The following MCM8 variants were observed in gnomAD, a reference collection of about 807,000 sequenced individuals.
MCM8 encodes DNA helicase MCM8.
A neutral mutation model predicts 98.9 loss-of-function variants in MCM8; 85 were observed. The observed-to-expected ratio is 0.86, with a 90% CI of 0.72 to 1.03. The LOEUF (loss-of-function observed/expected upper bound fraction) is 1.03. Among genes scored for constraint, MCM8 ranks in the 50% least tolerant of loss-of-function variants. The pLI, the probability that MCM8 is intolerant of heterozygous loss-of-function variation, is 0.00. For missense variants in MCM8, 951 were observed against 997.8 expected, an observed-to-expected ratio of 0.95 and a Z score of 0.63; for synonymous variants, 352 against 338.6, an observed-to-expected ratio of 1.04 and a Z score of -0.44.
intron 13 of MCM8, among the ~76,000 whole-genome samples, chr20:5,981,513 C>T (rs1001322467): frequency 3.9e-5 from 6 of 152,120 alleles, no homozygotes; most frequent in African/African-American, 1.4e-4. Flanking sequence ...TTGCTTCCCC[C>T]TCCTAAATCA....
At position 5,960,785 on chromosome 20, in the gene MCM8, A is replaced by G. The variant is rs189904905; in HGVS notation, c.789+2059A>G. Among the ~76,000 whole-genome samples, 19 of 152,250 alleles carry G rather than the reference A, an allele frequency of 1.2e-4. No homozygotes were observed. In the East Asian group the frequency reaches 3.1e-3, roughly 25 times the overall value. ...ACCCCATCTCTACTAAAAATTCTAA[A>G]TTAGCCAGACGTGGTGGCACATGCC... On this transcript the variant is annotated intron_variant, in intron 7 of 18. Coordinates refer to ENST00000610722, the MANE Select transcript of MCM8 (RefSeq NM_032485.6).
Position 5,954,621 on chromosome 20 carries a change from C to T in MCM8, c.267C>T (p.Ser89=). Residue 89 remains serine (S), a synonymous_variant, in exon 4 of 19, where the codon AGC becomes AGT. Transcript: ENST00000610722. ...TTGTTGGATTAGTTTACAGCGATAG[C>T]TCTCCTTTGATTGAGAAGATTCAAG... is the stretch of plus-strand genomic sequence containing the variant. The part of the protein sequence containing the change: ...KLYFSEVYSD[S]SPLIEKIQAF... 1 of 1,605,878 alleles carries T rather than the reference C, an allele frequency of 6.2e-7. No homozygotes were observed. The highest frequency in any genetic ancestry group is 1.3e-5 in the African/African-American group (1 of 74,826).
At chr20:5,963,047 C>A (rs454422) in intron 7 of MCM8, among the ~76,000 whole-genome samples, 56,442 of 151,964 alleles carry the variant, frequency 0.37, 14,865 homozygotes, top group African/African-American at 0.75. Flanking sequence ...TAGCAGGATA[C>A]GAACAGTAAG....
chr20:5,974,434 C>G (rs1280915691), intron 12 of MCM8, among the ~76,000 whole-genome samples: 3 of 152,178 alleles, frequency 2.0e-5, no homozygotes, highest in Admixed American at 1.3e-4. Flanking sequence ...GGCCACTGTG[C>G]TTTCTAAAAA....
intron 12 of MCM8, among the ~76,000 whole-genome samples, chr20:5,974,114 T>A (rs1359362119): frequency 6.6e-6 from 1 of 152,180 alleles, no homozygotes; most frequent in Non-Finnish European, 1.5e-5. Context: ...TGACAACCGG[T>A]AAGCCAGCCG....
Position 5,978,033 on chromosome 20 carries a change from G to C in MCM8, c.1537+16G>C. 1.2e-6 allele frequency: 2 copies of C among 1,613,412 alleles called. No homozygotes were observed. The highest frequency in any genetic ancestry group is 1.7e-6 in the Non-Finnish European group (2 of 1,179,588). On this transcript the variant is annotated intron_variant, in intron 13 of 18. Coordinates refer to ENST00000610722, the MANE Select transcript of MCM8 (RefSeq NM_032485.6). ...GGTGATCAAGGTGAGAGGCCAAAGGGAATAATTAGTGATTCTGGGACTTTT... is the reference window on the plus strand; with the variant it reads ...GGTGATCAAGGTGAGAGGCCAAAGGCAATAATTAGTGATTCTGGGACTTTT...
rs113501875 is a variant in MCM8, at chr20:5,954,476, T to C, written c.254-132T>C. On this transcript the variant is annotated intron_variant, in intron 3 of 18. Coordinates refer to ENST00000610722, the MANE Select transcript of MCM8 (RefSeq NM_032485.6). ...AGTTTACATTCTATACTAGTTCTTA[T>C]ATGAATGTAATCAAAATACAAAGCA... 1,954 of 511,492 alleles carry C rather than the reference T, an allele frequency of 3.8e-3. 20 individuals carry two copies. The highest frequency in any genetic ancestry group is 0.028 in the African/African-American group (1,472 of 51,980). 31.7% of individuals were successfully genotyped at this position (511,492 alleles called of 1,614,324 possible). A position where few individuals can be genotyped will look rare whatever the true frequency, so the allele number is the denominator to read the frequency against.
intron 3 of MCM8, 75 bp from the exon 4 acceptor site, chr20:5,954,533 T>G (rs2088919161): frequency 3.8e-6 from 3 of 793,852 alleles, no homozygotes; most frequent in Non-Finnish European, 6.5e-6. Context: ...ATGTATATAG[T>G]GCTGCTTTTG....
intron 16 of MCM8, 77 bp from the exon 17 acceptor site, chr20:5,987,204 TA>T: frequency 7.2e-7 from 1 of 1,380,216 alleles, no homozygotes. Flanking sequence ...GTAAAACAAG[TA>T]AATGAAGTAA....
intron 12 of MCM8, 87 bp from the exon 13 acceptor site, chr20:5,977,788 GC>G: frequency 7.2e-7 from 1 of 1,392,682 alleles, no homozygotes; most frequent in Non-Finnish European, 9.9e-7. Flanking sequence ...AGAATACCTA[GC>G]ATATACCTAA....
chr20:5,960,596 T>A (rs1173414503), intron 7 of MCM8, among the ~76,000 whole-genome samples: 2 of 152,230 alleles, frequency 1.3e-5, no homozygotes, highest in East Asian at 3.8e-4. Context: ...ATGATCAAAT[T>A]GTTGTCTTTT....
At chr20:5,978,237 A>T (rs954374663) in intron 13 of MCM8, among the ~76,000 whole-genome samples, 20 of 152,214 alleles carry the variant, frequency 1.3e-4, no homozygotes, top group African/African-American at 4.3e-4. Flanking sequence ...TCAGAATCTT[A>T]TAGCCGATAC....
intron 7 of MCM8, 77 bp from the exon 8 acceptor site, chr20:5,963,197 A>G (rs945054542): frequency 3.2e-5 from 35 of 1,084,220 alleles, no homozygotes; most frequent in Non-Finnish European, 5.0e-5. Context: ...ATTAAATGAA[A>G]TGTTTTAACT....
At chr20:5,985,819 T>A (rs1401174033) in intron 15 of MCM8, 103 bp from the exon 16 acceptor site, 1 of 1,149,362 alleles carries the variant, frequency 8.7e-7, no homozygotes, top group Non-Finnish European at 1.3e-6. Context: ...GCGCAGGGAT[T>A]ACAGGCGTGA....
Position 5,996,525 on chromosome 20 carries a change from T to TA in MCM8, c.*2136dup, listed in dbSNP as rs1401726067. 6.7e-6 allele frequency: 1 copy of TA among 148,182 alleles called. No individual in the cohort carries two copies. The highest frequency in any genetic ancestry group is 1.5e-5 in the Non-Finnish European group (1 of 67,596). 9.2% of individuals were successfully genotyped at this position (148,182 alleles called of 1,614,324 possible). ...AGTGAGACTCTTTCTCCAAACTAAA[T>TA]AAGAGATATTTAAAGCTGAAAAAAA... On this transcript the variant is annotated 3_prime_UTR_variant, in exon 19 of 19. Transcript: ENST00000610722.
chr20:5,967,421 A>AT lies in MCM8; in HGVS notation c.876-12dup. On this transcript the variant is annotated splice_polypyrimidine_tract_variant and intron_variant, in intron 8 of 18. Transcript: ENST00000610722. Reference sequence around the variant, plus strand: ...AAAGTAAGTATTCTAACTGAAAACTATTTAAACTTTTTAGAATCCAGGAAT... The same window carrying AT: ...AAAGTAAGTATTCTAACTGAAAACTATTTTAAACTTTTTAGAATCCAGGAAT... The AT allele has an allele frequency of 6.2e-7, 1 of 1,610,870 alleles. No individual in the cohort carries two copies. The highest frequency in any genetic ancestry group is 1.3e-5 in the African/African-American group (1 of 75,004).
intron 2 of MCM8, 127 bp from the exon 3 acceptor site, chr20:5,952,297 A>T: frequency 6.4e-7 from 1 of 1,554,880 alleles, no homozygotes; most frequent in Non-Finnish European, 8.7e-7. Flanking sequence ...TTGAACATTG[A>T]TGTCCCAGAT....
intron 4 of MCM8, 111 bp from the exon 5 acceptor site, chr20:5,954,991 T>C: frequency 2.7e-6 from 2 of 740,622 alleles, no homozygotes; most frequent in South Asian, 2.0e-5. Context: ...ATACTTACCA[T>C]TATCACATAT....
chr20:5,988,367 CG>C (rs1481114349), intron 17 of MCM8, among the ~76,000 whole-genome samples: 10 of 151,726 alleles, frequency 6.6e-5, no homozygotes, highest in African/African-American at 2.4e-4. Flanking sequence ...GAGGCTGAGG[CG>C]GGAGATTTGC....
Sources: gnomAD v4.1 joint callset for allele counts (sites outside exome capture counted in the v4.1 genomes callset) on GRCh38, gnomAD v4.1.1 for gene constraint, MANE v1.5 for transcripts, NCBI Gene and HGNC (gene_info 2026-07-23, HGNC 2026-07-21) for gene names.